The following KCNAB1 variants were observed in gnomAD, a reference collection of about 807,000 sequenced individuals.
KCNAB1 encodes the protein potassium voltage-gated channel subfamily A regulatory beta subunit 1.
Under a neutral mutation model 64.6 loss-of-function variants are expected in KCNAB1, and 35 were observed. The ratio of observed to expected loss-of-function variants is 0.54; its 90% CI spans 0.41 to 0.72. KCNAB1 has a LOEUF of 0.72. Ranked by LOEUF, KCNAB1 falls within the 30% of genes least tolerant of loss-of-function variation. The pLI is 0.00. For missense variants in KCNAB1, 401 were observed against 512.9 expected (o/e 0.78, Z 2.11); for synonymous variants, 177 against 183.8 (o/e 0.96, Z 0.30).
intron 2 of KCNAB1, among the ~76,000 whole-genome samples, chr3:156,440,083 C>T (rs1425787606): frequency 3.3e-5 from 5 of 152,318 alleles, no homozygotes; most frequent in South Asian, 2.1e-4. Context: ...TTCTTGAATT[C>T]AATCATTCAT....
chr3:156,198,534 A>G (rs1714106316), intron 1 of KCNAB1, among the ~76,000 whole-genome samples: 2 of 150,276 alleles, frequency 1.3e-5, no homozygotes, highest in African/African-American at 4.9e-5. Context: ...TCCCTTTACC[A>G]TTATGTAATG....
intron 1 of KCNAB1, among the ~76,000 whole-genome samples, chr3:156,348,918 A>C (rs1724680607): frequency 6.6e-6 from 1 of 152,224 alleles, no homozygotes; most frequent in Non-Finnish European, 1.5e-5. Context: ...GGACTAAGCC[A>C]GGCCACTGAC....
chr3:156,279,170 T>C (rs543522810), intron 1 of KCNAB1, among the ~76,000 whole-genome samples: 3,315 of 142,890 alleles, frequency 0.023, 152 homozygotes, highest in African/African-American at 0.081. Context: ...CCTGTGTCCA[T>C]GTGATCTCAT....
At chr3:156,463,888 C>A in intron 6 of KCNAB1, 142 bp downstream of exon 6, 2 of 579,590 alleles carry the variant, frequency 3.5e-6, no homozygotes, top group Non-Finnish European at 5.9e-6. Flanking sequence ...TTTTCTCACA[C>A]TAAGGAAATA....
At position 156,357,488 on chromosome 3, in the gene KCNAB1, G is replaced by T. The variant is rs1052535077; in HGVS notation, c.276-64128G>T. Among the ~76,000 whole-genome samples, 4 of 151,906 alleles carry T rather than the reference G, an allele frequency of 2.6e-5. No homozygotes were observed. The East Asian group carries it at 7.7e-4, about 29-fold the overall frequency. On this transcript the variant is annotated intron_variant, in intron 1 of 13. Transcript: ENST00000490337. ...CTACAAGATTCTGTTTTTTCTTTATGTGATTCCACCTATTAAAAAAGCCAC... is the reference window on the plus strand; with the variant it reads ...CTACAAGATTCTGTTTTTTCTTTATTTGATTCCACCTATTAAAAAAGCCAC...
chr3:156,218,810 T>TA (rs1491492113), intron 1 of KCNAB1, among the ~76,000 whole-genome samples: 1 of 125,796 alleles, frequency 7.9e-6, no homozygotes, highest in Non-Finnish European at 1.7e-5. Flanking sequence ...AAAATAATAA[T>TA]AAAATAAAAT....
rs563127107 is a variant in KCNAB1 at position 156,413,259 on chromosome 3, T to TG, written c.276-8356dup. 7.3e-4 allele frequency among the ~76,000 whole-genome samples: 111 copies of TG among 152,256 alleles called. 2 individuals are homozygous for TG. The highest frequency in any genetic ancestry group is 2.6e-3 in the African/African-American group (109 of 41,528). ...AAATTAAAAGAAGTCCTAACACCTA[T>TG]GCTGGTTAAAAGAAAGGCCACAATG... is the stretch of plus-strand genomic sequence containing the variant. On this transcript the variant is annotated intron_variant, in intron 1 of 13. Coordinates refer to ENST00000490337, the MANE Select transcript of KCNAB1 (RefSeq NM_172160.3).
At chr3:156,534,910 T>C (rs1348263060) in intron 13 of KCNAB1, among the ~76,000 whole-genome samples, 4 of 152,220 alleles carry the variant, frequency 2.6e-5, no homozygotes, top group Admixed American at 6.5e-5. Context: ...AGTACTTTTA[T>C]GGTTTCATTT....
intron 1 of KCNAB1, among the ~76,000 whole-genome samples, chr3:156,371,757 T>C (rs2108127956): frequency 6.6e-6 from 1 of 152,278 alleles, no homozygotes; most frequent in East Asian, 1.9e-4. Flanking sequence ...AAATACTCGG[T>C]ATAGCCAATA....
intron 1 of KCNAB1, among the ~76,000 whole-genome samples, chr3:156,312,088 G>A (rs1217150764): frequency 1.3e-5 from 2 of 152,204 alleles, no homozygotes; most frequent in Non-Finnish European, 2.9e-5. Flanking sequence ...AAATGCATTA[G>A]TAACTATGGG....
intron 1 of KCNAB1, among the ~76,000 whole-genome samples, chr3:156,336,069 AAAGT>A (rs1051032950): frequency 3.9e-5 from 6 of 152,156 alleles, no homozygotes; most frequent in South Asian, 2.1e-4. Context: ...AACATATTTA[AAAGT>A]AACAGGCCAG....
At chr3:156,433,899 G>A (rs965133884) in intron 2 of KCNAB1, among the ~76,000 whole-genome samples, 1 of 152,076 alleles carries the variant, frequency 6.6e-6, no homozygotes, top group African/African-American at 2.4e-5. Flanking sequence ...ATATTTGCCT[G>A]TCTTACCACT....
rs956631882 is a variant in KCNAB1, at chr3:156,140,982, T to C, written c.275+20096T>C. 4.6e-5 allele frequency among the ~76,000 whole-genome samples: 7 copies of C among 152,020 alleles called. No individual in the cohort carries two copies. In the East Asian group the frequency reaches 1.4e-3, roughly 29 times the overall value. On this transcript the variant is annotated intron_variant, in intron 1 of 13. Transcript: ENST00000490337. The stretch of plus-strand genomic sequence containing the variant: ...GCTGTTAGACCGAATGAACAGTTTA[T>C]GTCCAGGAGTCACAGTTGGAGGAGA...
At chr3:156,218,664 C>T (rs1341633705) in intron 1 of KCNAB1, among the ~76,000 whole-genome samples, 1 of 151,814 alleles carries the variant, frequency 6.6e-6, no homozygotes, top group Non-Finnish European at 1.5e-5. Flanking sequence ...TCCACTGAAG[C>T]AGGTGCTGGT....
upstream of KCNAB1, among the ~76,000 whole-genome samples, chr3:156,119,994 G>A (rs529247995): frequency 1.2e-4 from 19 of 152,146 alleles, no homozygotes; most frequent in African/African-American, 4.6e-4. Context: ...CGGTTATGAG[G>A]GATTACCATT....
At chr3:156,120,518 T>C, upstream of KCNAB1, 1 of 1,390,506 alleles carries the variant, frequency 7.2e-7, no homozygotes, top group East Asian at 2.3e-5. Flanking sequence ...AGAGGTGGAG[T>C]GGGCAGGGAC....
chr3:156,301,551 A>G (rs1192675619), intron 1 of KCNAB1, among the ~76,000 whole-genome samples: 2 of 152,204 alleles, frequency 1.3e-5, no homozygotes, highest in African/African-American at 4.8e-5. Context: ...ATGAACTGCT[A>G]CTCTAAAGAG....
At chr3:156,428,785 C>T (rs1716011843) in intron 2 of KCNAB1, among the ~76,000 whole-genome samples, 1 of 152,214 alleles carries the variant, frequency 6.6e-6, no homozygotes, top group South Asian at 2.1e-4. Context: ...GTCAAGAGGA[C>T]AATTTATGCA....
chr3:156,245,236 T>C (rs920902878), intron 1 of KCNAB1, among the ~76,000 whole-genome samples: 11 of 152,208 alleles, frequency 7.2e-5, no homozygotes, highest in Non-Finnish European at 5.9e-5. Context: ...CTTGATTGCT[T>C]CTAAAATTTT....
Sources: allele counts gnomAD v4.1 joint callset (sites outside exome capture counted in the v4.1 genomes callset), GRCh38; gene constraint gnomAD v4.1.1; transcripts MANE v1.5; gene names NCBI Gene and HGNC (gene_info 2026-07-23, HGNC 2026-07-21).